The following SYNE1 variants were observed in gnomAD, a reference collection of about 807,000 sequenced individuals.
The protein encoded by SYNE1 is spectrin repeat containing nuclear envelope protein 1.
Under a neutral mutation model 1,111.0 loss-of-function variants are expected in SYNE1, and 616 were observed. That is an observed-to-expected ratio of 0.55 (90% CI 0.52 to 0.59). The LOEUF is 0.59. Among genes scored for constraint, SYNE1 ranks in the 20% least tolerant of loss-of-function variants. The pLI is 0.00. For synonymous variants in SYNE1, 3,855 were observed against 3,825.8 expected, an observed-to-expected ratio of 1.01 and a Z score of -0.28; for missense variants, 10,006 against 10,417.0, an observed-to-expected ratio of 0.96 and a Z score of 1.72.
intron 8 of SYNE1, among the ~76,000 whole-genome samples, chr6:152,507,500 T>C (rs1480905059): frequency 1.3e-5 from 2 of 152,114 alleles, no homozygotes; most frequent in East Asian, 1.9e-4. Context: ...CTGTTTCCTA[T>C]TGTAACAGTT....
At chr6:152,179,757 T>C (rs1033675020) in intron 129 of SYNE1, among the ~76,000 whole-genome samples, 2 of 134,284 alleles carry the variant, frequency 1.5e-5, no homozygotes, top group Non-Finnish European at 3.1e-5. Context: ...CGATCTCGGC[T>C]CACTGCAATC....
intron 2 of SYNE1, among the ~76,000 whole-genome samples, chr6:152,635,573 A>T (rs1014307945): frequency 5.9e-5 from 9 of 152,216 alleles, no homozygotes; most frequent in Non-Finnish European, 1.0e-4. Context: ...ATGAAGATGT[A>T]GGTCATATTA....
intron 55 of SYNE1, 188 bp from the exon 56 acceptor site, chr6:152,381,550 AGGCTTATGGC>A: frequency 1.5e-6 from 1 of 645,338 alleles, no homozygotes; most frequent in South Asian, 1.8e-5. Context: ...CGAGTGCCTA[AGGCTTATGGC>A]AAAAAAATCC....
In SYNE1 at chr6:152,481,822, C is replaced by G. The variant is rs369462319; in HGVS notation, c.1350+1263G>C. 2.1e-4 allele frequency among the ~76,000 whole-genome samples: 31 copies of G among 150,876 alleles called. No homozygotes were observed. In the South Asian group the frequency reaches 6.1e-3, roughly 30 times the overall value. On this transcript the variant is annotated intron_variant, in intron 14 of 145. Coordinates refer to ENST00000367255, the MANE Select transcript of SYNE1 (RefSeq NM_182961.4). ...GGCCTGAACTCTGGGTCCCTTACGG[C>G]ATAGCTGCCCCCACTTTAGGGCACT... is the stretch of plus-strand genomic sequence containing the variant.
At chr6:152,189,812 G>A (rs1050869004) in intron 127 of SYNE1, among the ~76,000 whole-genome samples, 1 of 152,180 alleles carries the variant, frequency 6.6e-6, no homozygotes, top group Non-Finnish European at 1.5e-5. Flanking sequence ...TTGGCTCAAC[G>A]TGAAAGGCCA....
intron 3 of SYNE1, among the ~76,000 whole-genome samples, chr6:152,594,668 T>G (rs2099575860): frequency 6.6e-6 from 1 of 152,200 alleles, no homozygotes; most frequent in South Asian, 2.1e-4. Flanking sequence ...ATACGTCCCT[T>G]GATGTCACAT....
intron 73 of SYNE1, among the ~76,000 whole-genome samples, chr6:152,345,374 C>G (rs950996021): frequency 6.6e-6 from 1 of 152,156 alleles, no homozygotes; most frequent in Non-Finnish European, 1.5e-5. Flanking sequence ...CTTCACTCCC[C>G]CTTTTCTCCC....
At chr6:152,245,297 C>T (rs2086832953) in intron 105 of SYNE1, among the ~76,000 whole-genome samples, 1 of 152,166 alleles carries the variant, frequency 6.6e-6, no homozygotes, top group African/African-American at 2.4e-5. Flanking sequence ...AAAAATAAAG[C>T]AAGGCTGAAT....
At chr6:152,378,879 G>A (rs2097342994) in intron 56 of SYNE1, among the ~76,000 whole-genome samples, 1 of 152,142 alleles carries the variant, frequency 6.6e-6, no homozygotes, top group African/African-American at 2.4e-5. Flanking sequence ...GAGCAGGAAT[G>A]ACATTCTCTT....
rs962492702 is a variant in SYNE1, at chr6:152,433,743, T to C, written c.4461+52A>G. On this transcript the variant is annotated intron_variant, in intron 34 of 145. Coordinates refer to ENST00000367255, the MANE Select transcript of SYNE1 (RefSeq NM_182961.4). ...CAGCATTTGATGAAATGTAAGAAAG[T>C]AGTTCTTAAAAGCTAGACATGGATT... 6 of 1,596,844 alleles carry C rather than the reference T, an allele frequency of 3.8e-6. 1 individual carries two copies. The South Asian group carries it at 6.6e-5, about 18-fold the overall frequency.
chr6:152,180,041 GA>G, intron 129 of SYNE1, 94 bp downstream of exon 129: 1 of 1,318,440 alleles, frequency 7.6e-7, no homozygotes, highest in Non-Finnish European at 1.1e-6. Flanking sequence ...CCTTTGACAG[GA>G]AAGTAATTGT....
Position 152,271,545 on chromosome 6 carries a change from T to G in SYNE1, c.18574-2259A>C, listed in dbSNP as rs75510204. On this transcript the variant is annotated intron_variant, in intron 98 of 145. Transcript: ENST00000367255. The stretch of plus-strand genomic sequence containing the variant: ...TAAATTCTCCACCTTCTGCGGAATT[T>G]CTCAAAGATAAGCAGTGATTTTCCT... 7.5e-3 allele frequency among the ~76,000 whole-genome samples: 1,145 copies of G among 152,308 alleles called. 4 individuals are homozygous for G. Among genetic ancestry groups the G allele is most frequent in the Non-Finnish European group, 0.011 (759 of 68,018 alleles).
intron 145 of SYNE1, among the ~76,000 whole-genome samples, chr6:152,123,435 C>G (rs1369757028): frequency 1.3e-5 from 2 of 152,208 alleles, no homozygotes; most frequent in Non-Finnish European, 2.9e-5. Flanking sequence ...CCCTTCTACA[C>G]TCAAAGTGAC....
intron 64 of SYNE1, among the ~76,000 whole-genome samples, chr6:152,361,699 A>G (rs770288258): frequency 6.6e-6 from 1 of 152,284 alleles, no homozygotes; most frequent in South Asian, 2.1e-4. Context: ...AAACCAAAGG[A>G]CTGTAAAACT....
intron 3 of SYNE1, among the ~76,000 whole-genome samples, chr6:152,552,713 C>A (rs2099351538): frequency 6.6e-6 from 1 of 152,116 alleles, no homozygotes; most frequent in Admixed American, 6.6e-5. Flanking sequence ...CAAATTCAAC[C>A]CCCACCATGT....
At chr6:152,262,861 A>C (rs1440141243) in intron 100 of SYNE1, among the ~76,000 whole-genome samples, 1 of 150,954 alleles carries the variant, frequency 6.6e-6, no homozygotes, top group Non-Finnish European at 1.5e-5. Context: ...CTGAGGAGGA[A>C]TAATACAGGA....
chr6:152,520,175 T>A (rs1290700542), intron 6 of SYNE1, among the ~76,000 whole-genome samples: 1 of 152,204 alleles, frequency 6.6e-6, no homozygotes, highest in Non-Finnish European at 1.5e-5. Context: ...GTCTATGTTT[T>A]AGTTAATAGT....
chr6:152,628,243 A>G lies in SYNE1; in HGVS notation c.67+22T>C, dbSNP rs781185262. On this transcript the variant is annotated intron_variant, in intron 3 of 145. Coordinates refer to ENST00000367255, the MANE Select transcript of SYNE1 (RefSeq NM_182961.4). Reference sequence around the variant, plus strand: ...AAGATGGTATTTGAATTTTTTTAAAACCTGAAATTTCTTCCCCCTACCTTG... The same window carrying G: ...AAGATGGTATTTGAATTTTTTTAAAGCCTGAAATTTCTTCCCCCTACCTTG... 2.5e-5 allele frequency: 41 copies of G among 1,613,610 alleles called. No individual in the cohort carries two copies. In the East Asian group the frequency reaches 8.9e-4, roughly 35 times the overall value.
intron 54 of SYNE1, among the ~76,000 whole-genome samples, chr6:152,386,590 A>G (rs1015482579): frequency 3.9e-5 from 6 of 152,204 alleles, no homozygotes; most frequent in African/African-American, 1.4e-4. Context: ...CATATAGAGA[A>G]TTGGAAAGAT....
Sources: gnomAD v4.1 joint callset for allele counts (sites outside exome capture counted in the v4.1 genomes callset) on GRCh38, gnomAD v4.1.1 for gene constraint, MANE v1.5 for transcripts, NCBI Gene and HGNC (gene_info 2026-07-23, HGNC 2026-07-21) for gene names.